Variants in PDZRN4 observed in about 807,000 individuals in gnomAD.
The protein encoded by PDZRN4 is PDZ domain containing ring finger 4.
A neutral mutation model predicts 99.0 loss-of-function variants in PDZRN4; 70 were observed. The observed-to-expected ratio is 0.71, with a 90% CI of 0.58 to 0.86. The LOEUF (loss-of-function observed/expected upper bound fraction) is 0.86. Among genes scored for constraint, PDZRN4 ranks in the 40% least tolerant of loss-of-function variants. The pLI, the probability that PDZRN4 is intolerant of heterozygous loss-of-function variation, is 0.00. For missense variants in PDZRN4, 1,474 were observed against 1,331.2 expected (o/e 1.11, Z -1.67); for synonymous variants, 551 against 501.6 (o/e 1.10, Z -1.32).
rs528212060 is a variant in PDZRN4 at position 41,496,494 on chromosome 12, C to T, written c.844-9962C>T. ...AAAGTCACACAGCTAGTCCCCAAAA[C>T]TGTGTTTAGGCCCAGTTCTGAGTGA... On this transcript the variant is annotated intron_variant, in intron 3 of 9. Transcript: ENST00000402685. 3.3e-5 allele frequency among the ~76,000 whole-genome samples: 5 copies of T among 152,216 alleles called. No individual in the cohort carries two copies. The East Asian group carries it at 9.7e-4, about 29-fold the overall frequency.
chr12:41,362,926 C>T (rs372853481), intron 3 of PDZRN4, among the ~76,000 whole-genome samples: 1 of 152,094 alleles, frequency 6.6e-6, no homozygotes, highest in South Asian at 2.1e-4. Flanking sequence ...CTTGCATAAT[C>T]TTAGCTTGTC....
intron 3 of PDZRN4, among the ~76,000 whole-genome samples, chr12:41,318,667 T>C (rs186214821): frequency 1.3e-5 from 2 of 152,284 alleles, no homozygotes; most frequent in East Asian, 3.9e-4. Context: ...GATTTATTGG[T>C]TGTGCTTTTT....
At position 41,188,869 on chromosome 12, in the gene PDZRN4, G is replaced by T; in HGVS notation, c.414G>T (p.Arg138Ser). Residue 138 changes from arginine (R) to serine (S), a missense_variant, in exon 1 of 10, where the codon AGG becomes AGT. Coordinates refer to ENST00000402685, the MANE Select transcript of PDZRN4 (RefSeq NM_001164595.2). ...GGGGGGGCTGCGGTCCGACACCCAG[G>T]GCTGGCCGGGGCGGGGGCGCGCGCG... Reference protein sequence around the residue: ...PARGGCGPTPRAGRGGGARGG... With the variant: ...PARGGCGPTPSAGRGGGARGG... 1 of 1,163,710 alleles carries T rather than the reference G, an allele frequency of 8.6e-7. No individual in the cohort carries two copies. Among genetic ancestry groups the T allele is most frequent in the Non-Finnish European group, 1.1e-6 (1 of 944,782 alleles). The allele number at this position is 1,163,710 out of a possible 1,614,324, so 72.1% of individuals were successfully genotyped here.
chr12:41,327,635 C>A (rs1951718648), intron 3 of PDZRN4, among the ~76,000 whole-genome samples: 1 of 152,154 alleles, frequency 6.6e-6, no homozygotes, highest in Non-Finnish European at 1.5e-5. Context: ...AGGCCAGGGG[C>A]TTAAGGCTGA....
At chr12:41,495,411 G>A (rs1259392566) in intron 3 of PDZRN4, among the ~76,000 whole-genome samples, 4 of 152,018 alleles carry the variant, frequency 2.6e-5, no homozygotes, top group South Asian at 2.1e-4. Flanking sequence ...AATAGATACC[G>A]AGGCTGGCTG....
intron 3 of PDZRN4, among the ~76,000 whole-genome samples, chr12:41,296,206 G>A (rs1445222593): frequency 6.6e-6 from 1 of 152,120 alleles, no homozygotes; most frequent in Admixed American, 6.6e-5. Flanking sequence ...AAACAAGTGG[G>A]ATCAAGATTC....
intron 5 of PDZRN4, among the ~76,000 whole-genome samples, chr12:41,539,982 C>A (rs1470464482): frequency 6.6e-6 from 1 of 152,116 alleles, no homozygotes; most frequent in African/African-American, 2.4e-5. Flanking sequence ...TAATGCATTT[C>A]ATGTATCATA....
chr12:41,265,849 T>G lies in PDZRN4; in HGVS notation c.843+71661T>G, dbSNP rs1951272378. 1.3e-5 allele frequency among the ~76,000 whole-genome samples: 2 copies of G among 149,490 alleles called. 1 individual carries two copies. On this transcript the variant is annotated intron_variant, in intron 3 of 9. Coordinates refer to ENST00000402685, the MANE Select transcript of PDZRN4 (RefSeq NM_001164595.2). ...ACCATAAAAATAAACACAGGGGAAA[T>G]AGTTTACATTGAAAAAAGAAATTAA...
At chr12:41,465,874 C>T (rs949238276) in intron 3 of PDZRN4, among the ~76,000 whole-genome samples, 3 of 152,146 alleles carry the variant, frequency 2.0e-5, no homozygotes, top group African/African-American at 7.2e-5. Context: ...ACAAAATATA[C>T]ACATTACTGT....
chr12:41,310,099 A>G (rs1230035300), intron 3 of PDZRN4, among the ~76,000 whole-genome samples: 1 of 151,916 alleles, frequency 6.6e-6, no homozygotes, highest in Non-Finnish European at 1.5e-5. Flanking sequence ...CACCTGTCTA[A>G]TTTTTGTATT....
intron 5 of PDZRN4, among the ~76,000 whole-genome samples, chr12:41,551,136 T>G (rs1244728359): frequency 6.6e-6 from 1 of 152,094 alleles, no homozygotes; most frequent in Non-Finnish European, 1.5e-5. Context: ...AAGTAGAAGA[T>G]CAAGGCACCA....
At chr12:41,520,315 C>T (rs969914225) in intron 5 of PDZRN4, among the ~76,000 whole-genome samples, 3 of 151,950 alleles carry the variant, frequency 2.0e-5, no homozygotes, top group South Asian at 2.1e-4. Flanking sequence ...CTTTGGGTTC[C>T]GCCAAAAGTC....
chr12:41,499,452 C>T (rs765615454), intron 3 of PDZRN4, among the ~76,000 whole-genome samples: 7 of 151,966 alleles, frequency 4.6e-5, no homozygotes, highest in East Asian at 1.9e-4. Context: ...TACCATAACA[C>T]GTTTCTTAAT....
At chr12:41,520,619 GAC>G (rs10580466) in intron 5 of PDZRN4, among the ~76,000 whole-genome samples, 23,353 of 136,932 alleles carry the variant, frequency 0.17, 1,914 homozygotes, top group African/African-American at 0.24. Flanking sequence ...CCTAAATACA[GAC>G]ACACACACAC....
intron 3 of PDZRN4, among the ~76,000 whole-genome samples, chr12:41,371,490 C>A (rs1952041261): frequency 6.6e-6 from 1 of 151,886 alleles, no homozygotes; most frequent in Admixed American, 6.6e-5. Flanking sequence ...AGATTTAAAT[C>A]CAACTTCTTG....
At chr12:41,415,920 G>T (rs1215015386) in intron 3 of PDZRN4, among the ~76,000 whole-genome samples, 1 of 152,102 alleles carries the variant, frequency 6.6e-6, no homozygotes, top group African/African-American at 2.4e-5. Flanking sequence ...TATAATATGT[G>T]TATACTTTAC....
intron 3 of PDZRN4, among the ~76,000 whole-genome samples, chr12:41,396,329 G>A (rs1023373524): frequency 5.3e-5 from 8 of 152,164 alleles, no homozygotes; most frequent in South Asian, 2.1e-4. Context: ...CATGCTGGCC[G>A]CTTACTAACA....
chr12:41,409,290 A>G (rs73128612), intron 3 of PDZRN4, among the ~76,000 whole-genome samples: 440 of 152,198 alleles, frequency 2.9e-3, no homozygotes, highest in Middle Eastern at 6.8e-3. Context: ...CACTTGGGAC[A>G]TATAGTTATT....
intron 3 of PDZRN4, among the ~76,000 whole-genome samples, chr12:41,455,421 A>G (rs1952810082): frequency 6.6e-6 from 1 of 152,192 alleles, no homozygotes; most frequent in South Asian, 2.1e-4. Context: ...TTGTATTAGC[A>G]GTGGGAATAA....
Sources: allele counts gnomAD v4.1 joint callset (sites outside exome capture counted in the v4.1 genomes callset), GRCh38; gene constraint gnomAD v4.1.1; transcripts MANE v1.5; gene names NCBI Gene and HGNC (gene_info 2026-07-23, HGNC 2026-07-21).